The following BCAS3 variants were observed in gnomAD, a reference collection of about 807,000 sequenced individuals.
The protein encoded by BCAS3 is BCAS3 microtubule associated cell migration factor, also known as BCAS4/BCAS3 fusion.
Under a neutral mutation model 116.1 loss-of-function variants are expected in BCAS3, and 53 were observed. The ratio of observed to expected loss-of-function variants is 0.46; its 90% confidence interval spans 0.37 to 0.57. The LOEUF is 0.57. Ranked by LOEUF, BCAS3 falls within the 20% of genes least tolerant of loss-of-function variation. The pLI is 0.00. For synonymous variants in BCAS3, 391 were observed against 408.2 expected (o/e 0.96, Z 0.51); for missense variants, 917 against 1,165.4 (o/e 0.79, Z 3.10).
rs1460075299 is a variant in BCAS3, at chr17:61,145,600, A to G, written c.2425+61036A>G. ...AGGAGTTCATTGAACTGTACAGCACAGCACCAGACCCTTGTGTCATTTAAT... is the reference window on the plus strand; with the variant it reads ...AGGAGTTCATTGAACTGTACAGCACGGCACCAGACCCTTGTGTCATTTAAT... On this transcript the variant is annotated intron_variant, in intron 22 of 23. Coordinates refer to ENST00000407086, the MANE Select transcript of BCAS3 (RefSeq NM_017679.5). This position sits in a 1 kb window ranked among gnomAD's most constrained non-coding sequence, Gnocchi z 5.0. 6.6e-6 allele frequency among the ~76,000 whole-genome samples: 1 copy of G among 152,240 alleles called. No individual in the cohort carries two copies. The highest frequency in any genetic ancestry group is 1.9e-4 in the East Asian group (1 of 5,202).
chr17:61,027,121 CAAAAAAA>C (rs369879283), intron 16 of BCAS3, among the ~76,000 whole-genome samples: 6 of 106,208 alleles, frequency 5.6e-5, no homozygotes, highest in Middle Eastern at 4.4e-3. Context: ...AAGTAAAAAA[CAAAAAAA>C]AAAAAACCAC....
rs2081445733 is a variant in BCAS3 at position 61,211,294 on chromosome 17, TGTATTTGTGATCTGTAAGACTTTTC to T, written c.2425+126731_2425+126755del. Reference sequence around the variant, plus strand: ...CAAGGGGTTGTGCTTCCTTACTGACTGTATTTGTGATCTGTAAGACTTTTCAAACACAGGTTTAAACATCCAGAGA... The same window carrying T: ...CAAGGGGTTGTGCTTCCTTACTGACTAAACACAGGTTTAAACATCCAGAGA... On this transcript the variant is annotated intron_variant, in intron 22 of 23. Coordinates refer to ENST00000407086, the MANE Select transcript of BCAS3 (RefSeq NM_017679.5). This position sits in a 1 kb window ranked among gnomAD's most constrained non-coding sequence, Gnocchi z 4.4. 6.6e-6 allele frequency among the ~76,000 whole-genome samples: 1 copy of T among 152,224 alleles called. No individual in the cohort carries two copies. Among genetic ancestry groups the T allele is most frequent in the Admixed American group, 6.5e-5 (1 of 15,286 alleles).
intron 2 of BCAS3, among the ~76,000 whole-genome samples, chr17:60,680,620 T>C (rs548532631): frequency 1.2e-4 from 19 of 152,208 alleles, no homozygotes; most frequent in African/African-American, 4.1e-4. Flanking sequence ...TAATCTAATA[T>C]GGTTTGAAGA....
chr17:60,914,574 T>C (rs1175703977), intron 12 of BCAS3, among the ~76,000 whole-genome samples: 1 of 152,180 alleles, frequency 6.6e-6, no homozygotes, highest in Admixed American at 6.5e-5. Context: ...AAATAAAATA[T>C]GGTTGACCAT....
chr17:60,847,328 T>C (rs1300492597), intron 7 of BCAS3, among the ~76,000 whole-genome samples: 1 of 152,214 alleles, frequency 6.6e-6, no homozygotes, highest in Non-Finnish European at 1.5e-5. Flanking sequence ...ATATGCTTGC[T>C]TCCTCTTGGG....
intron 14 of BCAS3, among the ~76,000 whole-genome samples, chr17:60,947,936 T>A (rs2060606970): frequency 6.6e-6 from 1 of 152,034 alleles, no homozygotes; most frequent in South Asian, 2.1e-4. Context: ...ATCAGGGCTA[T>A]TTTTTTCCTC....
chr17:60,965,581 CTTAA>C (rs1447828854), intron 14 of BCAS3, among the ~76,000 whole-genome samples: 21 of 152,144 alleles, frequency 1.4e-4, no homozygotes, highest in Middle Eastern at 6.8e-3. Context: ...AAATTTCTTT[CTTAA>C]TTAATTTCTT....
intron 14 of BCAS3, among the ~76,000 whole-genome samples, chr17:60,973,709 C>A (rs1159604712): frequency 6.6e-6 from 1 of 151,710 alleles, no homozygotes; most frequent in African/African-American, 2.4e-5. Flanking sequence ...TCTCCTGCCT[C>A]AGCCTCCTGA....
At chr17:61,167,689 G>A (rs1451498949) in intron 22 of BCAS3, among the ~76,000 whole-genome samples, 1 of 152,180 alleles carries the variant, frequency 6.6e-6, no homozygotes, top group African/African-American at 2.4e-5. Flanking sequence ...ACACAGAAGA[G>A]CTTTACGTAC....
At chr17:60,723,266 C>T (rs962457067) in intron 5 of BCAS3, among the ~76,000 whole-genome samples, 6 of 152,046 alleles carry the variant, frequency 3.9e-5, no homozygotes, top group African/African-American at 1.4e-4. Flanking sequence ...TGCTCTGTTG[C>T]CCAGGCTGGA....
chr17:61,034,968 C>G lies in BCAS3; in HGVS notation c.1762+178C>G, dbSNP rs954448035. 6.6e-6 allele frequency among the ~76,000 whole-genome samples: 1 copy of G among 152,142 alleles called. No homozygotes were observed. The highest frequency in any genetic ancestry group is 2.4e-5 in the African/African-American group (1 of 41,414). ...CCTAGTCAAGAAGAAAAACTATCCT[C>G]TCAGTATGAACGTTAATGAATTGCC... On this transcript the variant is annotated intron_variant, in intron 17 of 23. Coordinates refer to ENST00000407086, the MANE Select transcript of BCAS3 (RefSeq NM_017679.5). This position sits in a 1 kb window ranked among gnomAD's most constrained non-coding sequence, Gnocchi z 5.0.
intron 22 of BCAS3, among the ~76,000 whole-genome samples, chr17:61,338,487 A>G (rs2056895935): frequency 2.0e-5 from 3 of 148,812 alleles, no homozygotes. Flanking sequence ...TGTTTGAAGT[A>G]TCTTTGTGGT....
intron 22 of BCAS3, among the ~76,000 whole-genome samples, chr17:61,221,917 C>G (rs2082132718): frequency 6.6e-6 from 1 of 152,200 alleles, no homozygotes; most frequent in Non-Finnish European, 1.5e-5. Context: ...ATGAAAATTA[C>G]ATTGAGAATT....
chr17:60,719,041 G>A (rs923776814), intron 5 of BCAS3, among the ~76,000 whole-genome samples: 1 of 152,080 alleles, frequency 6.6e-6, no homozygotes, highest in Non-Finnish European at 1.5e-5. Flanking sequence ...CAGCCTGGGC[G>A]ACAGAGCGAG....
chr17:60,955,674 G>A (rs1025135962), intron 14 of BCAS3, among the ~76,000 whole-genome samples: 2 of 152,086 alleles, frequency 1.3e-5, no homozygotes, highest in Admixed American at 1.3e-4. Context: ...ATGAGCCACC[G>A]TGCCCGGCTG....
chr17:60,715,574 C>T (rs952850093), intron 5 of BCAS3, among the ~76,000 whole-genome samples: 5 of 152,102 alleles, frequency 3.3e-5, no homozygotes, highest in African/African-American at 4.8e-5. Flanking sequence ...CTGCAACCTC[C>T]GCCTCCTGGG....
At position 60,993,584 on chromosome 17, in the gene BCAS3, G is replaced by GT. The variant is rs1458250891; in HGVS notation, c.1486+3356dup. Reference sequence around the variant, plus strand: ...TAGAGTGATGGTCATTTTTCTTCATGTTTTTTTGTATCTTACATGTCATAA... The same window carrying GT: ...TAGAGTGATGGTCATTTTTCTTCATGTTTTTTTTGTATCTTACATGTCATAA... On this transcript the variant is annotated intron_variant, in intron 15 of 23. Coordinates refer to ENST00000407086, the MANE Select transcript of BCAS3 (RefSeq NM_017679.5). This position sits in a 1 kb window ranked among gnomAD's most constrained non-coding sequence, Gnocchi z 4.2. 2.6e-5 allele frequency among the ~76,000 whole-genome samples: 4 copies of GT among 151,982 alleles called. No homozygotes were observed. The highest frequency in any genetic ancestry group is 2.9e-5 in the Non-Finnish European group (2 of 67,978).
At position 61,349,090 on chromosome 17, in the gene BCAS3, C is replaced by A. The variant is rs902624455; in HGVS notation, c.2426-19237C>A. ...ATTCTTAAGGCTGGATTTGAGGACCCGTGCTTTGGAGCAGTGGTTCCCAAA... is the reference window on the plus strand; with the variant it reads ...ATTCTTAAGGCTGGATTTGAGGACCAGTGCTTTGGAGCAGTGGTTCCCAAA... On this transcript the variant is annotated intron_variant, in intron 22 of 23. Coordinates refer to ENST00000407086, the MANE Select transcript of BCAS3 (RefSeq NM_017679.5). This position sits in a 1 kb window ranked among gnomAD's most constrained non-coding sequence, Gnocchi z 4.7. 6.6e-6 allele frequency among the ~76,000 whole-genome samples: 1 copy of A among 152,168 alleles called. No individual in the cohort carries two copies. The highest frequency in any genetic ancestry group is 1.5e-5 in the Non-Finnish European group (1 of 68,028).
chr17:60,746,802 T>C (rs2042047330), intron 5 of BCAS3, among the ~76,000 whole-genome samples: 1 of 152,192 alleles, frequency 6.6e-6, no homozygotes, highest in African/African-American at 2.4e-5. Context: ...TAAGTATTGC[T>C]TTTTCTCATT....
Sources: gnomAD v4.1 joint callset for allele counts (sites outside exome capture counted in the v4.1 genomes callset) on GRCh38, gnomAD v4.1.1 for gene constraint, Gnocchi (gnomAD v3.1) non-coding constraint, MANE v1.5 for transcripts, NCBI Gene and HGNC (gene_info 2026-07-23, HGNC 2026-07-21) for gene names.